Variants in RGS7 observed in about 807,000 individuals in gnomAD.
RGS7 encodes the protein regulator of G protein signaling 7, also known as regulator of G-protein signaling 7.
In RGS7, 27 loss-of-function variants were observed where a neutral mutation model predicts 81.1. The ratio of observed to expected loss-of-function variants is 0.33; its 90% CI spans 0.25 to 0.46. The LOEUF is 0.46. Among genes scored for constraint, RGS7 ranks in the 20% least tolerant of loss-of-function variants. The pLI is 1.00. For missense variants in RGS7, 396 were observed against 607.4 expected (o/e 0.65, Z 3.66); for synonymous variants, 208 against 207.7 (o/e 1.00, Z -0.01).
At chr1:241,035,359 G>GC (rs2060271962) in intron 3 of RGS7, among the ~76,000 whole-genome samples, 1 of 59,212 alleles carries the variant, frequency 1.7e-5, no homozygotes. Context: ...GCATAAGGAA[G>GC]TAAAAAAAAA....
chr1:241,220,990 G>A (rs28526747), intron 2 of RGS7, among the ~76,000 whole-genome samples: 40,663 of 76,604 alleles, frequency 0.53, 7,912 homozygotes, highest in African/African-American at 0.62. Flanking sequence ...AGGAAGGAAG[G>A]AAGGAAGAGA....
At chr1:241,049,386 A>G (rs569633031) in intron 3 of RGS7, among the ~76,000 whole-genome samples, 1 of 152,318 alleles carries the variant, frequency 6.6e-6, no homozygotes, top group Admixed American at 6.5e-5. Context: ...ACACACACAA[A>G]AACTTTATTT....
chr1:241,286,788 A>G (rs1023001831), intron 2 of RGS7, among the ~76,000 whole-genome samples: 2 of 152,168 alleles, frequency 1.3e-5, no homozygotes, highest in African/African-American at 4.8e-5. Context: ...GAAGAGGAAT[A>G]TCATTAAAGT....
chr1:241,134,921 G>A (rs922590946), intron 2 of RGS7, among the ~76,000 whole-genome samples: 1 of 151,606 alleles, frequency 6.6e-6, no homozygotes, highest in African/African-American at 2.4e-5. Flanking sequence ...CAGCCGGCCG[G>A]AAGACACCTA....
chr1:241,075,008 T>C (rs937152170), intron 3 of RGS7, among the ~76,000 whole-genome samples: 2 of 152,182 alleles, frequency 1.3e-5, no homozygotes, highest in African/African-American at 4.8e-5. Flanking sequence ...CCACAACTCT[T>C]AGCATCCATC....
intron 2 of RGS7, among the ~76,000 whole-genome samples, chr1:241,309,644 A>T (rs1026681835): frequency 3.9e-5 from 6 of 152,216 alleles, no homozygotes; most frequent in African/African-American, 1.4e-4. Context: ...GCTCTGTGTA[A>T]ACTTGGTAGA....
intron 2 of RGS7, among the ~76,000 whole-genome samples, chr1:241,170,725 A>T (rs1361546812): frequency 1.3e-5 from 2 of 152,210 alleles, no homozygotes; most frequent in African/African-American, 4.8e-5. Context: ...CTTGCTGGGC[A>T]GTAGGAAAGA....
Position 240,813,936 on chromosome 1 carries a change from C to G in RGS7, c.846-208G>C, listed in dbSNP as rs1002042840. 3.2e-4 allele frequency among the ~76,000 whole-genome samples: 49 copies of G among 152,198 alleles called. 1 individual carries two copies. Reference sequence around the variant, plus strand: ...AGACAACTGTGGCTAAAGATTCCATCTCTACCCATGCCTAAGCCATGTAAA... The same window carrying G: ...AGACAACTGTGGCTAAAGATTCCATGTCTACCCATGCCTAAGCCATGTAAA... On this transcript the variant is annotated intron_variant, in intron 12 of 18. Transcript: ENST00000440928.
chr1:240,998,011 T>C (rs1349524901), intron 3 of RGS7, among the ~76,000 whole-genome samples: 5 of 152,350 alleles, frequency 3.3e-5, no homozygotes, highest in African/African-American at 1.2e-4. Flanking sequence ...TCTCTCAGTT[T>C]TCCTTCATCT....
intron 2 of RGS7, among the ~76,000 whole-genome samples, chr1:241,123,284 G>T (rs1040134811): frequency 2.6e-5 from 4 of 152,124 alleles, no homozygotes; most frequent in African/African-American, 9.7e-5. Flanking sequence ...CCTCACCAAG[G>T]CCTCCCCAAC....
At chr1:241,296,254 T>C (rs1363269144) in intron 2 of RGS7, among the ~76,000 whole-genome samples, 2 of 152,028 alleles carry the variant, frequency 1.3e-5, no homozygotes, top group Admixed American at 6.5e-5. Flanking sequence ...AGGACCACAC[T>C]ACAGAAAAGA....
At chr1:240,987,439 T>C (rs920785829) in intron 3 of RGS7, among the ~76,000 whole-genome samples, 3 of 152,128 alleles carry the variant, frequency 2.0e-5, no homozygotes, top group African/African-American at 7.2e-5. Context: ...CAGAACCACA[T>C]AGACACAGTG....
chr1:240,952,383 T>C (rs984402), intron 4 of RGS7, among the ~76,000 whole-genome samples: 49,488 of 151,908 alleles, frequency 0.33, 8,497 homozygotes, highest in Admixed American at 0.38. Flanking sequence ...GAATATTCTG[T>C]TACAAGGTAC....
chr1:240,926,704 C>A (rs916520448), intron 6 of RGS7, among the ~76,000 whole-genome samples: 2 of 152,184 alleles, frequency 1.3e-5, no homozygotes, highest in Non-Finnish European at 2.9e-5. Flanking sequence ...AGTGCTGGAT[C>A]TCTCTTGATG....
intron 6 of RGS7, chr1:240,919,734 A>G: frequency 1.6e-6 from 1 of 632,250 alleles, no homozygotes; most frequent in Non-Finnish European, 2.9e-6. Flanking sequence ...ACAAGGTGAG[A>G]GCCTGAGGGG....
intron 10 of RGS7, chr1:240,823,280 T>C: frequency 1.6e-6 from 1 of 628,950 alleles, no homozygotes; most frequent in Non-Finnish European, 3.0e-6. Flanking sequence ...CTTCCGACAC[T>C]GGCCCAACCA....
chr1:241,355,140 C>T (rs543961030), intron 2 of RGS7, among the ~76,000 whole-genome samples: 1 of 152,152 alleles, frequency 6.6e-6, no homozygotes, highest in Non-Finnish European at 1.5e-5. Flanking sequence ...AATATAAATA[C>T]CCATAAATAC....
intron 2 of RGS7, among the ~76,000 whole-genome samples, chr1:241,288,301 G>A (rs1009894654): frequency 3.3e-5 from 5 of 152,216 alleles, no homozygotes; most frequent in African/African-American, 9.6e-5. Context: ...CTGAGATCAC[G>A]TGGCTTGTGA....
At chr1:241,237,568 G>A (rs1187737189) in intron 2 of RGS7, among the ~76,000 whole-genome samples, 2 of 152,106 alleles carry the variant, frequency 1.3e-5, no homozygotes, top group Non-Finnish European at 2.9e-5. Context: ...TTCCTTGATA[G>A]GAAGATAAAT....
Sources: allele counts gnomAD v4.1 joint callset (sites outside exome capture counted in the v4.1 genomes callset), GRCh38; gene constraint gnomAD v4.1.1; transcripts MANE v1.5; gene names NCBI Gene and HGNC (gene_info 2026-07-23, HGNC 2026-07-21).